The following CNTNAP2 variants were observed in gnomAD, a reference collection of about 807,000 sequenced individuals.
CNTNAP2 encodes the protein contactin associated protein 2, also known as contactin-associated protein-like 2.
A neutral mutation model predicts 155.2 loss-of-function variants in CNTNAP2; 98 were observed. That is an observed-to-expected ratio of 0.63 (90% CI 0.54 to 0.75). The LOEUF (loss-of-function observed/expected upper bound fraction) is 0.75. Among genes scored for constraint, CNTNAP2 ranks in the 30% least tolerant of loss-of-function variants. The probability of loss-of-function intolerance (pLI) is 0.00; values close to 1 mark genes in which losing one functional copy is unlikely to be tolerated. For missense variants in CNTNAP2, 1,727 were observed against 1,688.1 expected, an observed-to-expected ratio of 1.02 and a Z score of -0.40; for synonymous variants, 651 against 631.2, an observed-to-expected ratio of 1.03 and a Z score of -0.47.
At chr7:147,770,355 T>C (rs1027966066) in intron 13 of CNTNAP2, among the ~76,000 whole-genome samples, 2 of 152,138 alleles carry the variant, frequency 1.3e-5, no homozygotes, top group African/African-American at 4.8e-5. Flanking sequence ...CTACTTTCTG[T>C]GTAACAAGAT....
intron 17 of CNTNAP2, among the ~76,000 whole-genome samples, chr7:148,155,694 G>C (rs1443054749): frequency 6.6e-6 from 1 of 152,122 alleles, no homozygotes; most frequent in East Asian, 1.9e-4. Context: ...TATCTCAAAA[G>C]GGCAGAGAAA....
At chr7:146,905,595 T>A (rs1321514966) in intron 3 of CNTNAP2, among the ~76,000 whole-genome samples, 5 of 152,286 alleles carry the variant, frequency 3.3e-5, no homozygotes, top group Admixed American at 2.0e-4. Context: ...TTTCCCCAAG[T>A]CTTTTTCATT....
chr7:146,788,627 A>T (rs1346206385), intron 2 of CNTNAP2, among the ~76,000 whole-genome samples: 1 of 152,124 alleles, frequency 6.6e-6, no homozygotes, highest in Non-Finnish European at 1.5e-5. Flanking sequence ...CTACATTCAC[A>T]TTCAAATAGT....
intron 8 of CNTNAP2, among the ~76,000 whole-genome samples, chr7:147,290,875 G>A (rs1208369625): frequency 6.6e-6 from 1 of 152,028 alleles, no homozygotes; most frequent in Non-Finnish European, 1.5e-5. Flanking sequence ...TATTGATTTT[G>A]GGTTTATAAC....
chr7:147,028,839 G>A (rs1798971288), intron 3 of CNTNAP2, among the ~76,000 whole-genome samples: 1 of 152,022 alleles, frequency 6.6e-6, no homozygotes, highest in African/African-American at 2.4e-5. Context: ...GATGTCACTT[G>A]TGAGAAAGTA....
At chr7:148,266,897 T>G in intron 20 of CNTNAP2, 136 bp from the exon 21 acceptor site, 1 of 820,998 alleles carries the variant, frequency 1.2e-6, no homozygotes, top group Non-Finnish European at 2.1e-6. Context: ...CGGGGTGGTG[T>G]TTTAGAGTCA....
chr7:147,185,184 T>C (rs1802539495), intron 8 of CNTNAP2, among the ~76,000 whole-genome samples: 1 of 151,764 alleles, frequency 6.6e-6, no homozygotes, highest in Non-Finnish European at 1.5e-5. Context: ...CCCAGGAAAA[T>C]AGAAAGAAGT....
intron 3 of CNTNAP2, among the ~76,000 whole-genome samples, chr7:147,017,404 G>A (rs1215364946): frequency 6.6e-6 from 1 of 151,866 alleles, no homozygotes; most frequent in Non-Finnish European, 1.5e-5. Context: ...ACTAGCAATT[G>A]TAATTATTGT....
intron 3 of CNTNAP2, among the ~76,000 whole-genome samples, chr7:147,013,183 T>C (rs1426896962): frequency 6.6e-6 from 1 of 152,256 alleles, no homozygotes; most frequent in South Asian, 2.1e-4. Context: ...GTCCTATTTT[T>C]GAATAGATTC....
At chr7:147,298,373 G>A (rs1043016766) in intron 8 of CNTNAP2, among the ~76,000 whole-genome samples, 3 of 151,744 alleles carry the variant, frequency 2.0e-5, no homozygotes, top group South Asian at 4.1e-4. Context: ...GCAGTGAGCC[G>A]AGATCCCGTC....
intron 13 of CNTNAP2, among the ~76,000 whole-genome samples, chr7:147,839,897 GTA>G (rs748190593): frequency 6.6e-6 from 1 of 151,466 alleles, no homozygotes; most frequent in Non-Finnish European, 1.5e-5. Flanking sequence ...GTGTGTGTGT[GTA>G]TATATATGTG....
At chr7:147,267,937 T>G (rs115288948) in intron 8 of CNTNAP2, among the ~76,000 whole-genome samples, 154 of 152,266 alleles carry the variant, frequency 1.0e-3, no homozygotes, top group African/African-American at 3.6e-3. Flanking sequence ...CTGTGACATT[T>G]CTGGTCTTCA....
At chr7:148,026,002 C>T (rs972549275) in intron 15 of CNTNAP2, among the ~76,000 whole-genome samples, 1 of 152,192 alleles carries the variant, frequency 6.6e-6, no homozygotes, top group Non-Finnish European at 1.5e-5. Context: ...TTGTTTGCTT[C>T]AGTCCAGGAT....
chr7:148,381,365 A>G (rs1390670102), intron 21 of CNTNAP2: 1 of 152,260 alleles, frequency 6.6e-6, no homozygotes, highest in East Asian at 1.9e-4. Context: ...CACAAATTGA[A>G]GGATGACAAA....
chr7:147,963,643 C>T (rs550792579), intron 14 of CNTNAP2, among the ~76,000 whole-genome samples: 22 of 152,188 alleles, frequency 1.4e-4, no homozygotes, highest in Non-Finnish European at 2.5e-4. Flanking sequence ...CACCCAGACA[C>T]GCGAAATGCT....
chr7:146,637,685 G>A (rs1051457418), intron 1 of CNTNAP2, among the ~76,000 whole-genome samples: 2 of 152,158 alleles, frequency 1.3e-5, no homozygotes, highest in African/African-American at 4.8e-5. Flanking sequence ...ACACACTGGT[G>A]TGTAATGTGC....
intron 14 of CNTNAP2, among the ~76,000 whole-genome samples, chr7:147,905,788 G>A (rs1045575590): frequency 5.3e-5 from 8 of 152,242 alleles, no homozygotes; most frequent in Admixed American, 1.3e-4. Context: ...GGAGGCTGAG[G>A]CAGGAGAATC....
intron 15 of CNTNAP2, among the ~76,000 whole-genome samples, chr7:148,052,235 A>C (rs752989820): frequency 1.3e-5 from 2 of 152,086 alleles, no homozygotes; most frequent in Non-Finnish European, 2.9e-5. Context: ...GTAAGTACAA[A>C]AATCAACAAA....
rs909905679 is a variant in CNTNAP2 at position 146,750,774 on chromosome 7, T to C, written c.98-23497T>C. Reference sequence around the variant, plus strand: ...TTGTATCTTTTCTCTTTTTGCCTTATGAAATTTACTTAACTATATGGCTTA... The same window carrying C: ...TTGTATCTTTTCTCTTTTTGCCTTACGAAATTTACTTAACTATATGGCTTA... On this transcript the variant is annotated intron_variant, in intron 1 of 23. Transcript: ENST00000361727. Among the ~76,000 whole-genome samples the C allele has an allele frequency of 8.5e-5, 13 of 152,224 alleles. 1 individual carries two copies. The highest frequency in any genetic ancestry group is 2.2e-4 in the African/African-American group (9 of 41,460).
Sources: allele counts gnomAD v4.1 joint callset (sites outside exome capture counted in the v4.1 genomes callset), GRCh38; gene constraint gnomAD v4.1.1; transcripts MANE v1.5; gene names NCBI Gene and HGNC (gene_info 2026-07-23, HGNC 2026-07-21).